CTNNA1: variants seen among roughly 807,000 people sequenced by gnomAD.
CTNNA1 encodes the protein catenin alpha-1.
In CTNNA1, 37 loss-of-function variants were observed where a neutral mutation model predicts 98.4. The ratio of observed to expected loss-of-function variants is 0.38; its 90% confidence interval spans 0.29 to 0.49. CTNNA1 has a LOEUF of 0.49. CTNNA1 is among the 20% of genes least tolerant of loss of function. CTNNA1 has a pLI of 0.95. For synonymous variants in CTNNA1, 404 were observed against 413.2 expected, an observed-to-expected ratio of 0.98 and a Z score of 0.27; for missense variants, 761 against 1,147.2, an observed-to-expected ratio of 0.66 and a Z score of 4.86.
intron 4 of CTNNA1, among the ~76,000 whole-genome samples, chr5:138,810,548 A>T (rs1255399989): frequency 1.3e-5 from 2 of 152,032 alleles, no homozygotes; most frequent in South Asian, 2.1e-4. Flanking sequence ...TTATTTATTT[A>T]TTTTTTCCAT....
intron 7 of CTNNA1, among the ~76,000 whole-genome samples, chr5:138,830,989 AT>A (rs1422630916): frequency 1.7e-4 from 26 of 152,186 alleles, no homozygotes; most frequent in Admixed American, 1.2e-3. Flanking sequence ...CTGTTGAAAA[AT>A]ATTAGACAAA....
At chr5:138,916,781 T>TTA (rs1554109974) in intron 10 of CTNNA1, among the ~76,000 whole-genome samples, 4 of 150,224 alleles carry the variant, frequency 2.7e-5, no homozygotes, top group African/African-American at 9.8e-5. Flanking sequence ...TTTTATTTAT[T>TTA]TTTTTTTTGA....
intron 7 of CTNNA1, among the ~76,000 whole-genome samples, chr5:138,844,790 T>TA (rs1296022819): frequency 1.3e-5 from 2 of 152,176 alleles, no homozygotes; most frequent in Non-Finnish European, 2.9e-5. Context: ...AAGTAGGATA[T>TA]ACAAAGAAAG....
chr5:138,817,179 GT>G (rs1323895070), intron 5 of CTNNA1, among the ~76,000 whole-genome samples: 1 of 152,106 alleles, frequency 6.6e-6, no homozygotes, highest in Non-Finnish European at 1.5e-5. Flanking sequence ...AAGATTTTTA[GT>G]TTATATAATT....
intron 13 of CTNNA1, among the ~76,000 whole-genome samples, chr5:138,927,738 G>A (rs1764433567): frequency 1.3e-5 from 2 of 151,974 alleles, no homozygotes; most frequent in African/African-American, 4.8e-5. Context: ...ATGAATGAAT[G>A]AATGAATGAG....
At chr5:138,875,217 C>T (rs1020673032) in intron 7 of CTNNA1, 6 of 310,300 alleles carry the variant, frequency 1.9e-5, no homozygotes, top group South Asian at 7.6e-5. Context: ...TTTCCGCAGC[C>T]GTTAGTTCTC....
In CTNNA1 at chr5:138,873,087, C is replaced by T; in HGVS notation, c.1063-13125C>T. On this transcript the variant is annotated intron_variant, in intron 7 of 17. Coordinates refer to ENST00000302763, the MANE Select transcript of CTNNA1 (RefSeq NM_001903.5). The surrounding 1 kb of genome is among the most constrained non-coding windows in gnomAD (Gnocchi z 6.1). ...CCATTAATGATGATGAAGGGTCCTT[C>T]ATGGGTGGGTTCATATTCATTATAC... 1 of 1,613,926 alleles carries T rather than the reference C, an allele frequency of 6.2e-7. No homozygotes were observed. The highest frequency in any genetic ancestry group is 8.5e-7 in the Non-Finnish European group (1 of 1,179,858).
At chr5:138,904,284 G>A in intron 9 of CTNNA1, 65 bp from the exon 10 acceptor site, 3 of 1,541,654 alleles carry the variant, frequency 1.9e-6, no homozygotes, top group South Asian at 1.2e-5. Flanking sequence ...GTAGGGCCAG[G>A]TGTGTGTTTT....
In CTNNA1 at chr5:138,824,755, G is replaced by C; in HGVS notation, c.814G>C (p.Gly272Arg). 6.2e-7 allele frequency: 1 copy of C among 1,614,172 alleles called. No homozygotes were observed. ...CTCAGACGATGCCTCACAGCACCAGGGTGGAGGAGGAGGAGAACTGGCATA... is the reference window on the plus strand; with the variant it reads ...CTCAGACGATGCCTCACAGCACCAGCGTGGAGGAGGAGGAGAACTGGCATA... ...TASDDASQHQ[G>R]GGGGELAYAL... The change falls in exon 6 of 18, where the codon GGT (glycine) becomes CGT (arginine). Residue 272 changes from glycine to arginine, a missense_variant. This residue lies in a region of CTNNA1 where 328 missense variants were observed against 354.3 expected (regional missense o/e 0.93). Transcript: ENST00000302763.
chr5:138,867,381 A>T (rs1033913315), intron 7 of CTNNA1, among the ~76,000 whole-genome samples: 1 of 152,178 alleles, frequency 6.6e-6, no homozygotes, highest in East Asian at 1.9e-4. Context: ...ATCTGGGCAA[A>T]CACGGCAGAC....
intron 5 of CTNNA1, among the ~76,000 whole-genome samples, chr5:138,815,066 C>G (rs1359153299): frequency 6.6e-6 from 1 of 152,128 alleles, no homozygotes; most frequent in Non-Finnish European, 1.5e-5. Context: ...ATTTTGTATG[C>G]TATTCAAGAA....
intron 7 of CTNNA1, among the ~76,000 whole-genome samples, chr5:138,854,654 A>G (rs1238026139): frequency 6.6e-6 from 1 of 152,256 alleles, no homozygotes; most frequent in Non-Finnish European, 1.5e-5. Flanking sequence ...AAGCCTCTCT[A>G]TTAGAAAAAC....
At chr5:138,754,549 C>G (rs1054219529) in intron 1 of CTNNA1, 7 of 152,158 alleles carry the variant, frequency 4.6e-5, no homozygotes, top group African/African-American at 1.7e-4. Context: ...ATGCTTACAT[C>G]ATTGTTGGGA....
chr5:138,861,706 G>A (rs1465542016), intron 7 of CTNNA1, among the ~76,000 whole-genome samples: 1 of 152,206 alleles, frequency 6.6e-6, no homozygotes, highest in Non-Finnish European at 1.5e-5. Context: ...GTCTTAAATG[G>A]CAGGTATTCT....
chr5:138,890,819 TG>T (rs1420917438), intron 9 of CTNNA1, among the ~76,000 whole-genome samples: 1 of 152,194 alleles, frequency 6.6e-6, no homozygotes, highest in East Asian at 1.9e-4. Flanking sequence ...TATCAGGGCT[TG>T]CCATGCATGA....
intron 5 of CTNNA1, 89 bp from the exon 6 acceptor site, chr5:138,824,441 C>T: frequency 7.2e-7 from 1 of 1,391,294 alleles, no homozygotes; most frequent in South Asian, 1.4e-5. Context: ...AATAGAAATT[C>T]TAACTTTTCA....
At chr5:138,925,202 G>C in intron 12 of CTNNA1, 54 bp from the exon 13 acceptor site, 1 of 1,586,744 alleles carries the variant, frequency 6.3e-7, no homozygotes, top group Non-Finnish European at 8.6e-7. Context: ...GGGAGGGCCA[G>C]GGGAATGATG....
intron 1 of CTNNA1, among the ~76,000 whole-genome samples, chr5:138,755,845 C>CTTTTTTTTTTTTTTTTTTT (rs60260246): frequency 3.4e-5 from 2 of 58,448 alleles, no homozygotes; most frequent in Non-Finnish European, 3.1e-5. Context: ...GGATTTCCTT[C>CTTTTTTTTTTTTTTTTTTT]TTTTTTTTTT....
intron 7 of CTNNA1, among the ~76,000 whole-genome samples, chr5:138,877,704 C>T (rs965731224): frequency 1.3e-5 from 2 of 152,152 alleles, no homozygotes; most frequent in African/African-American, 4.8e-5. Flanking sequence ...GCCTCGGCCT[C>T]CCAAAGTGCT....
Sources: gnomAD v4.1 joint callset for allele counts (sites outside exome capture counted in the v4.1 genomes callset) on GRCh38, gnomAD v4.1.1 for gene constraint, gnomAD v4.1.1 regional missense constraint, Gnocchi (gnomAD v3.1) non-coding constraint, MANE v1.5 for transcripts, NCBI Gene and HGNC (gene_info 2026-07-23, HGNC 2026-07-21) for gene names.